WWOX: variants seen among roughly 807,000 people sequenced by gnomAD.
WWOX encodes WW domain-containing oxidoreductase.
Under a neutral mutation model 46.2 loss-of-function variants are expected in WWOX, and 69 were observed. The ratio of observed to expected loss-of-function variants is 1.49; its 90% CI spans 1.23 to 1.82. WWOX has a LOEUF of 1.82. WWOX is among the 40% of genes most tolerant of loss of function. The probability of loss-of-function intolerance (pLI) is 0.00; values close to 1 mark genes in which losing one functional copy is unlikely to be tolerated. For missense variants in WWOX, 919 were observed against 542.6 expected (o/e 1.69, Z -6.89); for synonymous variants, 359 against 202.6 (o/e 1.77, Z -6.56).
rs191094344 is a variant in WWOX, at chr16:78,888,955, C to A, written c.1057-322653C>A. 8.5e-5 allele frequency among the ~76,000 whole-genome samples: 13 copies of A among 152,116 alleles called. No individual in the cohort carries two copies. In the East Asian group the frequency reaches 2.3e-3, roughly 27 times the overall value. On this transcript the variant is annotated intron_variant, in intron 8 of 8. Coordinates refer to ENST00000566780, the MANE Select transcript of WWOX (RefSeq NM_016373.4). Reference sequence around the variant, plus strand: ...TTTCCCCAAGCCCCATAATCTCCCCCTGATGCCCTTAGAAAGCTTCCCTGG... The same window carrying A: ...TTTCCCCAAGCCCCATAATCTCCCCATGATGCCCTTAGAAAGCTTCCCTGG...
chr16:78,837,049 A>G (rs541656577), intron 8 of WWOX, among the ~76,000 whole-genome samples: 4 of 152,262 alleles, frequency 2.6e-5, no homozygotes, highest in South Asian at 4.1e-4. Context: ...AGCCCAGATT[A>G]TATTAACAAG....
intron 5 of WWOX, among the ~76,000 whole-genome samples, chr16:78,333,721 A>G (rs1010561824): frequency 6.6e-6 from 1 of 152,236 alleles, no homozygotes; most frequent in African/African-American, 2.4e-5. Flanking sequence ...GACTTGATAC[A>G]CATGAAATAA....
At chr16:78,746,752 T>A (rs993967805) in intron 8 of WWOX, among the ~76,000 whole-genome samples, 6 of 152,116 alleles carry the variant, frequency 3.9e-5, no homozygotes, top group Non-Finnish European at 7.4e-5. Context: ...GACCTGAATC[T>A]GACTTATACC....
intron 8 of WWOX, among the ~76,000 whole-genome samples, chr16:78,557,604 C>G (rs115358381): frequency 0.028 from 4,244 of 151,818 alleles, 190 homozygotes; most frequent in African/African-American, 0.095. Context: ...CCCTCTATCA[C>G]AGCCTTTGCT....
intron 8 of WWOX, among the ~76,000 whole-genome samples, chr16:78,893,174 G>A (rs775626701): frequency 1.3e-5 from 2 of 151,410 alleles, no homozygotes; most frequent in Non-Finnish European, 2.9e-5. Flanking sequence ...ACGACTATGA[G>A]ATGGAATGAC....
chr16:79,145,916 ATTGAAAGGAATTTT>A (rs2050175262), intron 8 of WWOX, among the ~76,000 whole-genome samples: 1 of 152,218 alleles, frequency 6.6e-6, no homozygotes, highest in South Asian at 2.1e-4. Context: ...TATATAATTT[ATTGAAAGGAATTTT>A]TTGAAAGTCA....
intron 5 of WWOX, among the ~76,000 whole-genome samples, chr16:78,202,038 C>G (rs2036247787): frequency 6.6e-6 from 1 of 152,082 alleles, no homozygotes; most frequent in African/African-American, 2.4e-5. Context: ...TCTTTAAACT[C>G]TACTTGTAAC....
intron 8 of WWOX, among the ~76,000 whole-genome samples, chr16:79,009,999 A>G (rs1237613463): frequency 1.3e-5 from 2 of 152,208 alleles, no homozygotes; most frequent in Non-Finnish European, 2.9e-5. Flanking sequence ...CTAGGACTTC[A>G]GAAGCGAAAG....
In WWOX at chr16:78,624,772, C is replaced by T. The variant is rs187265542; in HGVS notation, c.1056+192020C>T. 1.6e-3 allele frequency among the ~76,000 whole-genome samples: 236 copies of T among 152,244 alleles called. 2 individuals are homozygous for T. Among genetic ancestry groups the T allele is most frequent in the African/African-American group, 5.3e-3 (221 of 41,542 alleles). On this transcript the variant is annotated intron_variant, in intron 8 of 8. Coordinates refer to ENST00000566780, the MANE Select transcript of WWOX (RefSeq NM_016373.4). ...TGGCTGGAAATTATTTATTGCAGAA[C>T]GACACAATGGTGAACGAGAAGGTAT...
At chr16:78,711,459 T>A (rs1356531631) in intron 8 of WWOX, among the ~76,000 whole-genome samples, 1 of 152,182 alleles carries the variant, frequency 6.6e-6, no homozygotes, top group African/African-American at 2.4e-5. Flanking sequence ...ATTTAACATT[T>A]TTTTGTGAAT....
In WWOX at chr16:78,274,978, C is replaced by T. The variant is rs537923739; in HGVS notation, c.516+110689C>T. On this transcript the variant is annotated intron_variant, in intron 5 of 8. Coordinates refer to ENST00000566780, the MANE Select transcript of WWOX (RefSeq NM_016373.4). Reference sequence around the variant, plus strand: ...TTTCAGTTTTTATTAATTTCCTGTGCTTCTGGTTCATGAATCCCAAGTCAT... The same window carrying T: ...TTTCAGTTTTTATTAATTTCCTGTGTTTCTGGTTCATGAATCCCAAGTCAT... Among the ~76,000 whole-genome samples the T allele has an allele frequency of 1.6e-4, 25 of 152,244 alleles. No individual in the cohort carries two copies. In the East Asian group the frequency reaches 4.3e-3, roughly 26 times the overall value.
chr16:79,196,149 A>C (rs1470608665), intron 8 of WWOX, among the ~76,000 whole-genome samples: 1 of 152,230 alleles, frequency 6.6e-6, no homozygotes, highest in Non-Finnish European at 1.5e-5. Context: ...GTGAGCAAAA[A>C]TCATCCTCTT....
intron 8 of WWOX, among the ~76,000 whole-genome samples, chr16:79,197,765 A>C (rs1044830645): frequency 2.6e-5 from 4 of 152,148 alleles, no homozygotes. Context: ...CACCCAGGAC[A>C]AAGGGCAAGG....
In WWOX at chr16:78,914,557, A is replaced by G. The variant is rs529118571; in HGVS notation, c.1057-297051A>G. 1.1e-4 allele frequency among the ~76,000 whole-genome samples: 17 copies of G among 152,056 alleles called. No homozygotes were observed. The South Asian group carries it at 3.5e-3, about 32-fold the overall frequency. ...AAATGGATTGAGTACAGAGTGTGGGATCAAGAACTTTTAGGCACTGTGAGT... is the reference window on the plus strand; with the variant it reads ...AAATGGATTGAGTACAGAGTGTGGGGTCAAGAACTTTTAGGCACTGTGAGT... On this transcript the variant is annotated intron_variant, in intron 8 of 8. Transcript: ENST00000566780.
At chr16:78,687,718 T>G (rs2047895011) in intron 8 of WWOX, among the ~76,000 whole-genome samples, 2 of 152,334 alleles carry the variant, frequency 1.3e-5, no homozygotes, top group South Asian at 4.1e-4. Context: ...CTTGCTTCAT[T>G]TTTAGGCATT....
chr16:79,116,734 C>G (rs528410905), intron 8 of WWOX, among the ~76,000 whole-genome samples: 99 of 151,990 alleles, frequency 6.5e-4, no homozygotes, highest in Non-Finnish European at 1.5e-4. Flanking sequence ...CTTCCAAACT[C>G]TTGTTATTAT....
intron 8 of WWOX, among the ~76,000 whole-genome samples, chr16:78,756,051 AG>A (rs2049638236): frequency 1.3e-5 from 2 of 152,192 alleles, no homozygotes; most frequent in South Asian, 4.1e-4. Flanking sequence ...AGGCATGAGA[AG>A]GCTCAGAATT....
At chr16:78,411,205 G>A (rs1187485932) in intron 6 of WWOX, among the ~76,000 whole-genome samples, 2 of 152,192 alleles carry the variant, frequency 1.3e-5, no homozygotes, top group South Asian at 2.1e-4. Flanking sequence ...AAACCAGGAA[G>A]CAGGGAGCAT....
At chr16:78,225,798 A>G (rs1171294413) in intron 5 of WWOX, among the ~76,000 whole-genome samples, 4 of 152,174 alleles carry the variant, frequency 2.6e-5, no homozygotes, top group African/African-American at 9.7e-5. Flanking sequence ...TTAACATGGA[A>G]AAAACATGGC....
Sources: gnomAD v4.1 joint callset for allele counts (sites outside exome capture counted in the v4.1 genomes callset) on GRCh38, gnomAD v4.1.1 for gene constraint, MANE v1.5 for transcripts, NCBI Gene and HGNC (gene_info 2026-07-23, HGNC 2026-07-21) for gene names.